Variants in TNFSF11 observed in about 807,000 individuals in gnomAD.
TNFSF11 encodes tumor necrosis factor ligand superfamily member 11.
In TNFSF11, 12 loss-of-function variants were observed where a neutral mutation model predicts 32.2. That is an observed-to-expected ratio of 0.37 (90% CI 0.24 to 0.60). The LOEUF is 0.60. TNFSF11 is among the 20% of genes least tolerant of loss of function. The probability of loss-of-function intolerance (pLI) is 0.66; values close to 1 mark genes in which losing one functional copy is unlikely to be tolerated. For synonymous variants in TNFSF11, 172 were observed against 152.1 expected, an observed-to-expected ratio of 1.13 and a Z score of -0.96; for missense variants, 345 against 398.0, an observed-to-expected ratio of 0.87 and a Z score of 1.13.
intron 2 of TNFSF11, among the ~76,000 whole-genome samples, chr13:42,567,552 G>A (rs933690487): frequency 1.3e-5 from 2 of 151,898 alleles, no homozygotes; most frequent in Non-Finnish European, 2.9e-5. Context: ...AACCAAATAG[G>A]CCCTGTTTGG....
At chr13:42,593,851 G>A (rs1868636179) in intron 2 of TNFSF11, among the ~76,000 whole-genome samples, 1 of 152,216 alleles carries the variant, frequency 6.6e-6, no homozygotes, top group Non-Finnish European at 1.5e-5. Flanking sequence ...AGCCACCTGA[G>A]ACCCCAGCTA....
intron 2 of TNFSF11, among the ~76,000 whole-genome samples, chr13:42,589,348 G>A (rs1002139520): frequency 6.6e-6 from 1 of 152,308 alleles, no homozygotes; most frequent in East Asian, 1.9e-4. Flanking sequence ...CACATGAACA[G>A]AGGTCATCAT....
chr13:42,574,282 C>T lies in TNFSF11; in HGVS notation c.-22C>T, dbSNP rs200702178. On this transcript the variant is annotated 5_prime_UTR_variant, in exon 1 of 5. Transcript: ENST00000398795. ...GGGAGCGGGAGAGGGAGGAGAGCTC[C>T]GAAGCGAGAGGGCCGAGCGCCATGC... is the stretch of plus-strand genomic sequence containing the variant. 1.3e-6 allele frequency: 2 copies of T among 1,546,046 alleles called. No homozygotes were observed. The highest frequency in any genetic ancestry group is 8.7e-7 in the Non-Finnish European group (1 of 1,145,670).
chr13:42,581,423 T>C (rs1873611126), intron 2 of TNFSF11, 130 bp downstream of exon 2: 1 of 1,036,286 alleles, frequency 9.6e-7, no homozygotes, highest in Admixed American at 2.4e-5. Flanking sequence ...CTACAGGGAA[T>C]GCTTTAAAGA....
chr13:42,569,926 G>T (rs10220174), upstream of TNFSF11, among the ~76,000 whole-genome samples: 4 of 151,640 alleles, frequency 2.6e-5, no homozygotes, highest in African/African-American at 9.7e-5. Context: ...ACTTTTTTTT[G>T]AAAATCTGTT....
At chr13:42,592,824 G>C (rs1156750653) in intron 2 of TNFSF11, among the ~76,000 whole-genome samples, 1 of 152,128 alleles carries the variant, frequency 6.6e-6, no homozygotes. Context: ...CATGAGATCT[G>C]ATGGTTTTAT....
At chr13:42,573,552 A>C (rs1033890371), upstream of TNFSF11, among the ~76,000 whole-genome samples, 2 of 152,160 alleles carry the variant, frequency 1.3e-5, no homozygotes, top group African/African-American at 4.8e-5. Flanking sequence ...ATCTTTATAA[A>C]GTCAGAGTTG....
intron 2 of TNFSF11, among the ~76,000 whole-genome samples, chr13:42,589,419 A>T (rs145903893): frequency 6.6e-6 from 1 of 152,240 alleles, no homozygotes; most frequent in Non-Finnish European, 1.5e-5. Flanking sequence ...CCACTGGCCC[A>T]TCCTTCCCAT....
chr13:42,569,247 T>C (rs560639893), upstream of TNFSF11, among the ~76,000 whole-genome samples: 3 of 152,194 alleles, frequency 2.0e-5, no homozygotes, highest in East Asian at 5.8e-4. Flanking sequence ...CAAGGGTTCT[T>C]ATCATAAGAG....
At position 42,607,275 on chromosome 13, in the gene TNFSF11, C is replaced by T. The variant is rs192340175; in HGVS notation, c.*357C>T. On this transcript the variant is annotated 3_prime_UTR_variant, in exon 5 of 5. Transcript: ENST00000398795. Reference sequence around the variant, plus strand: ...CTGAAGTGGAGAGGGTGTCATCTAGCGCAATTGAAGGATCATCTGAAGGGG... The same window carrying T: ...CTGAAGTGGAGAGGGTGTCATCTAGTGCAATTGAAGGATCATCTGAAGGGG... The T allele has an allele frequency of 5.9e-4, 115 of 195,446 alleles. 2 individuals are homozygous for T. The South Asian group carries it at 0.01, about 18-fold the overall frequency. The allele number at this position is 195,446 out of a possible 1,614,324, so 12.1% of individuals were successfully genotyped here.
upstream of TNFSF11, among the ~76,000 whole-genome samples, chr13:42,569,824 A>T (rs1872998012): frequency 6.6e-6 from 1 of 152,178 alleles, no homozygotes; most frequent in Admixed American, 6.5e-5. Flanking sequence ...CATGTGCAAT[A>T]TTGTAACAGA....
At chr13:42,566,397 C>T (rs1199646640) in intron 1 of TNFSF11, among the ~76,000 whole-genome samples, 1 of 152,104 alleles carries the variant, frequency 6.6e-6, no homozygotes, top group African/African-American at 2.4e-5. Context: ...AAAGAAGGGT[C>T]AGGTATCACC....
intron 4 of TNFSF11, among the ~76,000 whole-genome samples, chr13:42,602,002 A>G (rs901086950): frequency 6.6e-6 from 1 of 152,210 alleles, no homozygotes; most frequent in Non-Finnish European, 1.5e-5. Context: ...CTATTATCAC[A>G]TAAGCAGGCC....
rs1004596195 is a variant in TNFSF11 at position 42,584,134 on chromosome 13, A to G, written c.387+2841A>G. Reference sequence around the variant, plus strand: ...AGAGGCATTTAAAATACAATTGGATAATGTAAAGACATAACTATGCACAGT... The same window carrying G: ...AGAGGCATTTAAAATACAATTGGATGATGTAAAGACATAACTATGCACAGT... On this transcript the variant is annotated intron_variant, in intron 2 of 4. Transcript: ENST00000398795. 4.6e-5 allele frequency among the ~76,000 whole-genome samples: 7 copies of G among 152,338 alleles called. No individual in the cohort carries two copies. In the East Asian group the frequency reaches 1.3e-3, roughly 29 times the overall value.
At chr13:42,593,909 T>C (rs1868638724) in intron 2 of TNFSF11, among the ~76,000 whole-genome samples, 2 of 152,112 alleles carry the variant, frequency 1.3e-5, no homozygotes, top group Non-Finnish European at 2.9e-5. Flanking sequence ...ACAAATTCCT[T>C]CTTCTGTGCT....
At chr13:42,599,076 A>T (rs1868982228) in intron 2 of TNFSF11, among the ~76,000 whole-genome samples, 1 of 152,226 alleles carries the variant, frequency 6.6e-6, no homozygotes, top group Non-Finnish European at 1.5e-5. Flanking sequence ...TCTAGGCAAC[A>T]GCAGAAAGTG....
intron 1 of TNFSF11, among the ~76,000 whole-genome samples, chr13:42,577,288 G>A (rs367755779): frequency 3.4e-4 from 52 of 152,178 alleles, no homozygotes; most frequent in African/African-American, 9.9e-4. Context: ...TTACGGTGAC[G>A]GTTAAAAAGT....
chr13:42,598,200 G>A (rs1482084659), intron 2 of TNFSF11, among the ~76,000 whole-genome samples: 1 of 152,098 alleles, frequency 6.6e-6, no homozygotes, highest in Admixed American at 6.5e-5. Flanking sequence ...ACAGGCATTT[G>A]TAGGTATATG....
intron 2 of TNFSF11, among the ~76,000 whole-genome samples, chr13:42,589,824 G>A (rs1350660618): frequency 6.6e-6 from 1 of 152,204 alleles, no homozygotes; most frequent in Non-Finnish European, 1.5e-5. Flanking sequence ...GGTAAACTTT[G>A]TTGAATGGAT....
Sources: gnomAD v4.1 joint callset for allele counts (sites outside exome capture counted in the v4.1 genomes callset) on GRCh38, gnomAD v4.1.1 for gene constraint, MANE v1.5 for transcripts, NCBI Gene and HGNC (gene_info 2026-07-23, HGNC 2026-07-21) for gene names.